The following DNM3 variants were observed in gnomAD, a reference collection of about 807,000 sequenced individuals.
The protein encoded by DNM3 is dynamin-3.
Under a neutral mutation model 101.6 loss-of-function variants are expected in DNM3, and 47 were observed. That is an observed-to-expected ratio of 0.46 (90% CI 0.37 to 0.59). DNM3 has a LOEUF of 0.59. Among genes scored for constraint, DNM3 ranks in the 20% least tolerant of loss-of-function variants. The pLI is 0.00. For synonymous variants in DNM3, 385 were observed against 387.9 expected (o/e 0.99, Z 0.09); for missense variants, 849 against 1,085.7 (o/e 0.78, Z 3.06).
intron 12 of DNM3, among the ~76,000 whole-genome samples, chr1:172,088,070 C>T (rs537638864): frequency 1.3e-5 from 2 of 152,302 alleles, no homozygotes; most frequent in East Asian, 1.9e-4. Flanking sequence ...GGCATCAAAA[C>T]AGAATTCCAT....
At chr1:172,359,125 AACACACACAC>A (rs10683483) in intron 17 of DNM3, among the ~76,000 whole-genome samples, 26,621 of 145,744 alleles carry the variant, frequency 0.18, 4,072 homozygotes, top group African/African-American at 0.42. Flanking sequence ...ACTCCCACAA[AACACACACAC>A]ACACACACAC....
chr1:172,283,780 A>AAAAAAAAAAAAAAAAAAAAAAAGAAAG lies in DNM3; in HGVS notation c.1770-24945_1770-24944insAAAAAAAAAAAAAAAAAAAGAAAGAAA, dbSNP rs1553221113. Reference sequence around the variant, plus strand: ...ATCTCAAAAAAAAAAAAAAAAAAAAAAAAGAAAGAAAGAAAGAAAACCAAG... The same window carrying AAAAAAAAAAAAAAAAAAAAAAAGAAAG: ...ATCTCAAAAAAAAAAAAAAAAAAAAAAAAAAAAAAAAAAAAAAAAAAAGAAAGAAAGAAAGAAAGAAAGAAAACCAAG... On this transcript the variant is annotated intron_variant, in intron 15 of 20. Transcript: ENST00000627582. Among the ~76,000 whole-genome samples, 10 of 119,112 alleles carry AAAAAAAAAAAAAAAAAAAAAAAGAAAG rather than the reference A, an allele frequency of 8.4e-5. 2 individuals carry two copies. The highest frequency in any genetic ancestry group is 1.7e-4 in the Non-Finnish European group (10 of 58,526). The allele number at this position is 119,112 out of a possible 152,430, so 78.1% of individuals were successfully genotyped here. A position where few individuals can be genotyped will look rare whatever the true frequency, so the allele number is the denominator to read the frequency against.
At chr1:171,925,506 A>G (rs941439469) in intron 2 of DNM3, among the ~76,000 whole-genome samples, 2 of 152,066 alleles carry the variant, frequency 1.3e-5, no homozygotes, top group African/African-American at 4.8e-5. Flanking sequence ...CTGGGATTAC[A>G]GGTGTGAGCC....
chr1:172,185,418 A>C (rs1238070366), intron 14 of DNM3, among the ~76,000 whole-genome samples: 4 of 152,116 alleles, frequency 2.6e-5, no homozygotes, highest in Non-Finnish European at 5.9e-5. Context: ...TTTACATTTA[A>C]GTTGAACTGT....
intron 10 of DNM3, among the ~76,000 whole-genome samples, chr1:172,050,855 A>G (rs1217700504): frequency 1.3e-5 from 2 of 152,180 alleles, no homozygotes; most frequent in African/African-American, 4.8e-5. Flanking sequence ...TTTAAGTTAT[A>G]TAAAGTGTTT....
At chr1:172,393,082 A>C (rs2069665782) in intron 20 of DNM3, 1 of 152,224 alleles carries the variant, frequency 6.6e-6, no homozygotes, top group Non-Finnish European at 1.5e-5. Flanking sequence ...TATGTGGCAC[A>C]CTTTAAGAGT....
Position 172,412,337 on chromosome 1 carries a change from T to C in DNM3, c.*4496T>C. 2.0e-6 allele frequency: 2 copies of C among 985,648 alleles called. No homozygotes were observed. Among genetic ancestry groups the C allele is most frequent in the Non-Finnish European group, 1.2e-6 (1 of 829,922 alleles). 61.1% of individuals were successfully genotyped at this position (985,648 alleles called of 1,614,324 possible). A position where few individuals can be genotyped will look rare whatever the true frequency, so the allele number is the denominator to read the frequency against. On this transcript the variant is annotated 3_prime_UTR_variant, in exon 21 of 21. Transcript: ENST00000627582. ...TCTGCTACCAGTTTGTTAAAAATTA[T>C]TCCCCCCAACCAGTAATTCCACCAG... is the stretch of plus-strand genomic sequence containing the variant.
chr1:172,136,372 A>C (rs2148117881), intron 14 of DNM3, among the ~76,000 whole-genome samples: 1 of 152,284 alleles, frequency 6.6e-6, no homozygotes, highest in Non-Finnish European at 1.5e-5. Flanking sequence ...AGTTTCACTT[A>C]TACTTTTAAG....
At chr1:172,131,475 A>G (rs1284740378) in intron 14 of DNM3, among the ~76,000 whole-genome samples, 187 bp downstream of exon 14, 3 of 152,120 alleles carry the variant, frequency 2.0e-5, no homozygotes, top group Admixed American at 6.6e-5. Context: ...ATTCGCCCAA[A>G]TTTCTTTTTC....
intron 14 of DNM3, among the ~76,000 whole-genome samples, chr1:172,241,929 A>G (rs1327017474): frequency 6.6e-6 from 1 of 152,210 alleles, no homozygotes; most frequent in African/African-American, 2.4e-5. Flanking sequence ...CTCAAACATT[A>G]CAGGGCATTG....
intron 14 of DNM3, among the ~76,000 whole-genome samples, chr1:172,232,933 G>A (rs965602264): frequency 6.6e-6 from 1 of 152,150 alleles, no homozygotes; most frequent in African/African-American, 2.4e-5. Context: ...ACAAGAGAAA[G>A]CAGGAAAGAT....
intron 2 of DNM3, among the ~76,000 whole-genome samples, chr1:171,948,957 A>G (rs1450414474): frequency 6.6e-6 from 1 of 152,128 alleles, no homozygotes; most frequent in Non-Finnish European, 1.5e-5. Flanking sequence ...ATTTTATTTG[A>G]TTCTCATATG....
At chr1:172,172,859 C>T (rs17361955) in intron 14 of DNM3, among the ~76,000 whole-genome samples, 38,727 of 151,728 alleles carry the variant, frequency 0.26, 5,454 homozygotes, top group Middle Eastern at 0.34. Context: ...TGATGCAGTG[C>T]TGAAGAGCTA....
chr1:172,318,074 T>G (rs1424880689), intron 16 of DNM3, among the ~76,000 whole-genome samples: 33 of 152,252 alleles, frequency 2.2e-4, no homozygotes, highest in Non-Finnish European at 1.0e-4. Flanking sequence ...GATGCAAGGC[T>G]GGTTCAATAT....
intron 14 of DNM3, among the ~76,000 whole-genome samples, chr1:172,157,224 G>T (rs2058374110): frequency 6.6e-6 from 1 of 152,054 alleles, no homozygotes; most frequent in Admixed American, 6.6e-5. Flanking sequence ...ATTCTCATAA[G>T]GAACACACAC....
downstream of DNM3, among the ~76,000 whole-genome samples, chr1:172,417,254 G>A (rs1190671518): frequency 5.3e-5 from 8 of 152,122 alleles, no homozygotes; most frequent in Non-Finnish European, 1.2e-4. Context: ...GTTCATTAAT[G>A]GTTTGGTTAG....
chr1:171,871,062 C>T (rs1001669028), intron 1 of DNM3, among the ~76,000 whole-genome samples: 3 of 152,036 alleles, frequency 2.0e-5, no homozygotes, highest in African/African-American at 7.2e-5. Flanking sequence ...GGCAAGATTC[C>T]AAAAGATCTC....
At chr1:171,882,626 T>C (rs890942142) in intron 1 of DNM3, among the ~76,000 whole-genome samples, 9 of 152,152 alleles carry the variant, frequency 5.9e-5, no homozygotes, top group Non-Finnish European at 8.8e-5. Context: ...AGAGCATATT[T>C]CCTCTTGGCC....
chr1:172,337,921 ATTTTATT>A (rs2066518097), intron 17 of DNM3, among the ~76,000 whole-genome samples: 2 of 99,072 alleles, frequency 2.0e-5, no homozygotes, highest in Non-Finnish European at 4.1e-5. Context: ...ATTTTATTTT[ATTTTATT>A]ATTTTGAGAC....
Sources: allele counts gnomAD v4.1 joint callset (sites outside exome capture counted in the v4.1 genomes callset), GRCh38; gene constraint gnomAD v4.1.1; transcripts MANE v1.5; gene names NCBI Gene and HGNC (gene_info 2026-07-23, HGNC 2026-07-21).